LRP1B: variants seen among roughly 807,000 people sequenced by gnomAD.
The protein encoded by LRP1B is low-density lipoprotein receptor-related protein 1B.
In LRP1B, 217 loss-of-function variants were observed where a neutral mutation model predicts 556.6. The observed-to-expected ratio is 0.39, with a 90% CI of 0.35 to 0.44. LRP1B has a LOEUF of 0.44. Ranked by LOEUF, LRP1B falls within the 20% of genes least tolerant of loss-of-function variation. LRP1B has a pLI of 1.00. For synonymous variants in LRP1B, 2,047 were observed against 1,865.8 expected, an observed-to-expected ratio of 1.10 and a Z score of -2.50; for missense variants, 5,053 against 5,620.8, an observed-to-expected ratio of 0.90 and a Z score of 3.23.
At chr2:140,623,820 G>A (rs1303530142) in intron 41 of LRP1B, among the ~76,000 whole-genome samples, 1 of 151,784 alleles carries the variant, frequency 6.6e-6, no homozygotes, top group African/African-American at 2.4e-5. Flanking sequence ...TCTGGAGGCT[G>A]AGGCAGGAGA....
chr2:141,601,240 A>ATCTG (rs1303686780), intron 2 of LRP1B, among the ~76,000 whole-genome samples: 3 of 150,374 alleles, frequency 2.0e-5, no homozygotes, highest in African/African-American at 7.3e-5. Flanking sequence ...CTATCTATCT[A>ATCTG]TCTTAATAAC....
intron 1 of LRP1B, among the ~76,000 whole-genome samples, chr2:142,107,998 G>A (rs1235228282): frequency 6.7e-6 from 1 of 150,116 alleles, no homozygotes; most frequent in Non-Finnish European, 1.5e-5. Context: ...AAGAGCTTAT[G>A]TCATATATGT....
intron 7 of LRP1B, among the ~76,000 whole-genome samples, chr2:141,072,497 A>G (rs1480758428): frequency 6.6e-6 from 1 of 151,980 alleles, no homozygotes; most frequent in Non-Finnish European, 1.5e-5. Flanking sequence ...ACAGATTCCC[A>G]TGATGATAAA....
intron 41 of LRP1B, among the ~76,000 whole-genome samples, chr2:140,611,186 A>G (rs1414525580): frequency 6.6e-6 from 1 of 152,180 alleles, no homozygotes; most frequent in Non-Finnish European, 1.5e-5. Flanking sequence ...AGAGACTACA[A>G]TCTAGATTTA....
intron 1 of LRP1B, among the ~76,000 whole-genome samples, chr2:141,908,267 T>C (rs1699812714): frequency 6.6e-6 from 1 of 152,088 alleles, no homozygotes; most frequent in Non-Finnish European, 1.5e-5. Context: ...GTTCACATAA[T>C]GAACATAATG....
At chr2:140,658,024 A>G (rs1332055238) in intron 41 of LRP1B, among the ~76,000 whole-genome samples, 3 of 152,100 alleles carry the variant, frequency 2.0e-5, no homozygotes, top group Non-Finnish European at 4.4e-5. Context: ...CCATAATAAA[A>G]CATTTTAGAA....
chr2:141,451,417 T>C (rs2105023210), intron 3 of LRP1B, among the ~76,000 whole-genome samples: 1 of 152,320 alleles, frequency 6.6e-6, no homozygotes, highest in Admixed American at 6.5e-5. Flanking sequence ...ACTATAATAA[T>C]TGTAAATGTA....
At chr2:141,131,054 G>A (rs534015400) in intron 7 of LRP1B, among the ~76,000 whole-genome samples, 1 of 151,846 alleles carries the variant, frequency 6.6e-6, no homozygotes, top group Non-Finnish European at 1.5e-5. Flanking sequence ...CTAGATGACG[G>A]GTTCATAGGT....
intron 77 of LRP1B, among the ~76,000 whole-genome samples, chr2:140,349,372 AATT>A (rs1381198928): frequency 6.6e-6 from 1 of 152,062 alleles, no homozygotes; most frequent in African/African-American, 2.4e-5. Context: ...ACATTTTGCC[AATT>A]ATCATTATTA....
intron 43 of LRP1B, among the ~76,000 whole-genome samples, chr2:140,548,354 T>C (rs902572674): frequency 6.6e-6 from 1 of 152,160 alleles, no homozygotes; most frequent in Non-Finnish European, 1.5e-5. Context: ...GACATAATCT[T>C]CTTTACATGT....
At chr2:141,236,825 G>T (rs758696944) in intron 5 of LRP1B, among the ~76,000 whole-genome samples, 1 of 152,144 alleles carries the variant, frequency 6.6e-6, no homozygotes, top group Non-Finnish European at 1.5e-5. Context: ...TGTTCTTACT[G>T]GAAGCAGAGG....
intron 86 of LRP1B, among the ~76,000 whole-genome samples, chr2:140,259,680 C>T (rs2104923674): frequency 6.6e-6 from 1 of 151,998 alleles, no homozygotes; most frequent in Non-Finnish European, 1.5e-5. Flanking sequence ...ACATGCGACC[C>T]ATTGGGGTAA....
At chr2:141,971,418 T>C (rs187599812) in intron 1 of LRP1B, among the ~76,000 whole-genome samples, 107 of 151,674 alleles carry the variant, frequency 7.1e-4, no homozygotes, top group Admixed American at 3.6e-3. Flanking sequence ...CCCTTTGTTT[T>C]AGCCCATCTG....
At chr2:141,908,192 GAT>G (rs1233996716) in intron 1 of LRP1B, among the ~76,000 whole-genome samples, 3 of 151,960 alleles carry the variant, frequency 2.0e-5, no homozygotes, top group African/African-American at 7.2e-5. Context: ...CATAGCACTT[GAT>G]ATATATATGT....
At chr2:141,494,208 T>C (rs1457118813) in intron 2 of LRP1B, among the ~76,000 whole-genome samples, 1 of 152,154 alleles carries the variant, frequency 6.6e-6, no homozygotes, top group South Asian at 2.1e-4. Flanking sequence ...AAATACCATA[T>C]GGTACAAGGA....
chr2:140,757,316 T>C (rs1451307084), intron 35 of LRP1B, among the ~76,000 whole-genome samples: 1 of 152,118 alleles, frequency 6.6e-6, no homozygotes, highest in African/African-American at 2.4e-5. Context: ...TCAAGAGCAA[T>C]AAAAACATAT....
chr2:140,450,193 TTGAG>T (rs1004788437), intron 63 of LRP1B, among the ~76,000 whole-genome samples: 15 of 152,262 alleles, frequency 9.9e-5, no homozygotes, highest in African/African-American at 3.6e-4. Flanking sequence ...ATTTCAGTAA[TTGAG>T]TGACATTCTG....
At chr2:141,684,608 GA>G (rs571227186) in intron 2 of LRP1B, among the ~76,000 whole-genome samples, 2 of 150,776 alleles carry the variant, frequency 1.3e-5, no homozygotes, top group South Asian at 2.1e-4. Context: ...TAAAAAAAAA[GA>G]AAAAAAAATT....
chr2:140,549,706 C>T (rs908454147), intron 43 of LRP1B, among the ~76,000 whole-genome samples: 2 of 152,202 alleles, frequency 1.3e-5, no homozygotes, highest in African/African-American at 4.8e-5. Flanking sequence ...GCCTTTGCTA[C>T]TTACTCTCAA....
Sources: gnomAD v4.1 joint callset for allele counts (sites outside exome capture counted in the v4.1 genomes callset) on GRCh38, gnomAD v4.1.1 for gene constraint, MANE v1.5 for transcripts, NCBI Gene and HGNC (gene_info 2026-07-23, HGNC 2026-07-21) for gene names.